The following COQ8B variants were observed in gnomAD, a reference collection of about 807,000 sequenced individuals.
The protein encoded by COQ8B is atypical kinase COQ8B, mitochondrial.
COQ8B carries 44 observed loss-of-function variants against 62.0 expected under a neutral mutation model. The ratio of observed to expected loss-of-function variants is 0.71; its 90% CI spans 0.56 to 0.91. The LOEUF is 0.91. Among genes scored for constraint, COQ8B ranks in the 40% least tolerant of loss-of-function variants. The probability of loss-of-function intolerance (pLI) is 0.00; values close to 1 mark genes in which losing one functional copy is unlikely to be tolerated. For synonymous variants in COQ8B, 252 were observed against 289.9 expected (o/e 0.87, Z 1.33); for missense variants, 649 against 731.6 (o/e 0.89, Z 1.30).
chr19:40,696,210 G>A (rs568781266), intron 12 of COQ8B, among the ~76,000 whole-genome samples, 156 bp from the exon 13 acceptor site: 33 of 151,922 alleles, frequency 2.2e-4, no homozygotes, highest in African/African-American at 8.0e-4. Context: ...CTCATCTCCC[G>A]TTTCCAACCG....
intron 4 of COQ8B, 36 bp downstream of exon 4, chr19:40,714,031 T>G (rs1183346887): frequency 6.2e-7 from 1 of 1,609,500 alleles, no homozygotes; most frequent in Non-Finnish European, 8.5e-7. Flanking sequence ...CCTTTCTAAT[T>G]GAGGTCACAC....
Position 40,692,118 on chromosome 19 carries a change from G to C in COQ8B, c.1552C>G (p.Arg518Gly). The C allele has an allele frequency of 1.2e-6, 2 of 1,607,114 alleles. No homozygotes were observed. The highest frequency in any genetic ancestry group is 1.1e-5 in the South Asian group (1 of 89,814). The part of the protein sequence containing the change: ...CRDLFQDTYH[R>G]YWASRQPDAA... ...TCTGGCTGGCGACTGGCCCAGTAGCGGTGGTAGGTGTCCTGGAAGAGGTCC... is the reference window on the plus strand; with the variant it reads ...TCTGGCTGGCGACTGGCCCAGTAGCCGTGGTAGGTGTCCTGGAAGAGGTCC... Residue 518 changes from arginine (R) to glycine (G), a missense_variant, in exon 15 of 15, where the codon CGC becomes GGC. Arg to Gly is a moderately radical substitution (Grantham distance 125). Coordinates refer to ENST00000324464, the MANE Select transcript of COQ8B (RefSeq NM_024876.4).
intron 10 of COQ8B, 105 bp from the exon 11 acceptor site, chr19:40,700,556 G>T: frequency 7.3e-7 from 1 of 1,373,100 alleles, no homozygotes. Context: ...AACAGTCTGC[G>T]CCATGCCCTC....
At chr19:40,711,131 CAAAA>C (rs10586544) in intron 4 of COQ8B, among the ~76,000 whole-genome samples, 15 of 134,362 alleles carry the variant, frequency 1.1e-4, no homozygotes, top group Admixed American at 1.5e-4. Flanking sequence ...AACTCCGTCT[CAAAA>C]AAAAAAAAAA....
chr19:40,692,254 C>A lies in COQ8B; in HGVS notation c.1416G>T (p.Val472=), dbSNP rs769377621. 6.2e-7 allele frequency: 1 copy of A among 1,613,080 alleles called. No individual in the cohort carries two copies. The change falls in exon 15 of 15, where the codon GTG becomes GTT. Residue 472 remains valine (V), a synonymous_variant. Transcript: ENST00000324464. ...TARRIQDLIP[V]LLRHRLCPPP... ...GGGGACACAGCCGGTGCCGCAGCAG[C>A]ACCGGGATGAGGTCCTGTATGCGGC...
At position 40,696,052 on chromosome 19, in the gene COQ8B, C is replaced by T. The variant is rs752353148; in HGVS notation, c.1146G>A (p.Val382=). 1 of 1,613,870 alleles carries T rather than the reference C, an allele frequency of 6.2e-7. No individual in the cohort carries two copies. Among genetic ancestry groups the T allele is most frequent in the Non-Finnish European group, 8.5e-7 (1 of 1,179,982 alleles). Residue 382 remains valine, a splice_region_variant and synonymous_variant, in exon 13 of 15, where the codon GTG becomes GTA. Transcript: ENST00000324464. ...NFLYDASSHQ[V]TLLDFGASRE... ...GGCTTGCACCAAAGTCCAGCAGGGT[C>T]ACCTGGAAGCAAGGAATGGTGAAAG...
rs372011504 is a variant in COQ8B at position 40,692,959 on chromosome 19, C to T, written c.1288G>A (p.Glu430Lys). The T allele has an allele frequency of 6.2e-7, 1 of 1,613,756 alleles. No individual in the cohort carries two copies. Among genetic ancestry groups the T allele is most frequent in the African/African-American group, 1.3e-5 (1 of 74,898 alleles). ...SRDLKFLTGF[E>K]TKAFSDAHVE... ...CCCCAGTGTCTCCCCACCTTGGTTT[C>T]AAAGCCTGTGAGGAATTTGAGGTCC... The change falls in exon 14 of 15, where the codon GAA becomes AAA. Residue 430 changes from glutamate to lysine, a missense_variant. Glu to Lys is a moderately conservative substitution (Grantham distance 56). Coordinates refer to ENST00000324464, the MANE Select transcript of COQ8B (RefSeq NM_024876.4).
intron 7 of COQ8B, chr19:40,704,148 CTT>C (rs1188224323): frequency 0.016 from 2,618 of 162,472 alleles, no homozygotes; most frequent in South Asian, 0.05. Flanking sequence ...CATAACAATC[CTT>C]TTTTTTTTTT....
In COQ8B at chr19:40,710,107, G is replaced by T; in HGVS notation, c.319C>A (p.Leu107Met). The part of the protein sequence containing the change: ...GLAVGLGLGV[L>M]AEMAKKSMPG... ...ATGGACTTCTTAGCCATCTCGGCCA[G>T]TACTCCTAGCCCCAAGCCCACAGCC... Residue 107 changes from leucine (L) to methionine (M), a missense_variant, in exon 5 of 15, where the codon CTG becomes ATG. Leu to Met is a conservative substitution (Grantham distance 15, BLOSUM62 2). Coordinates refer to ENST00000324464, the MANE Select transcript of COQ8B (RefSeq NM_024876.4). The T allele has an allele frequency of 1.2e-6, 2 of 1,614,022 alleles. No individual in the cohort carries two copies. Among genetic ancestry groups the T allele is most frequent in the Non-Finnish European group, 1.7e-6 (2 of 1,179,926 alleles).
At chr19:40,709,976 CTG>C (rs1169863135) in intron 5 of COQ8B, 81 bp downstream of exon 5, 10 of 1,411,036 alleles carry the variant, frequency 7.1e-6, no homozygotes. Context: ...CATGAGGAAA[CTG>C]GAGCTCAGAG....
In COQ8B at chr19:40,705,131, G is replaced by C; in HGVS notation, c.541C>G (p.Gln181Glu). ...QLQHIFERVR[Q>E]SADFMPRWQM... ...CAGCGGGGCATGAAGTCGGCGCTCT[G>C]GCGGACCCGCTCAAAGATGTGCTGC... Residue 181 changes from glutamine to glutamate, a missense_variant, in exon 7 of 15, where the codon CAG becomes GAG. By Grantham distance (29) the Gln-to-Glu change is conservative. Transcript: ENST00000324464. The C allele has an allele frequency of 6.2e-7, 1 of 1,612,704 alleles. No individual in the cohort carries two copies. Among genetic ancestry groups the C allele is most frequent in the Non-Finnish European group, 8.5e-7 (1 of 1,179,440 alleles).
intron 9 of COQ8B, 74 bp downstream of exon 9, chr19:40,703,467 G>C (rs1441696337): frequency 6.9e-7 from 1 of 1,447,892 alleles, no homozygotes; most frequent in Non-Finnish European, 9.2e-7. Flanking sequence ...TCTCCTCTGG[G>C]CTCCCCCTCC....
At position 40,692,386 on chromosome 19, in the gene COQ8B, G is replaced by T. The variant is rs774086810; in HGVS notation, c.1297-13C>A. The T allele has an allele frequency of 1.2e-6, 2 of 1,610,970 alleles. No homozygotes were observed. ...CGTCGGAGAATGCCTGGGAGTGGGGGTGGGGGGAGAGCAAAGGCAGCCAGT... is the reference window on the plus strand; with the variant it reads ...CGTCGGAGAATGCCTGGGAGTGGGGTTGGGGGGAGAGCAAAGGCAGCCAGT... On this transcript the variant is annotated splice_polypyrimidine_tract_variant and intron_variant, in intron 14 of 14. Coordinates refer to ENST00000324464, the MANE Select transcript of COQ8B (RefSeq NM_024876.4).
At position 40,700,294 on chromosome 19, in the gene COQ8B, C is replaced by T. The variant is rs1261537303; in HGVS notation, c.1035+16G>A. ...CTGGGGCCATGCCCTTCCCACTGTG[C>T]CACCAGACAGCATACCTGGTTCCGC... On this transcript the variant is annotated intron_variant, in intron 11 of 14. Transcript: ENST00000324464. The T allele has an allele frequency of 6.2e-6, 10 of 1,611,770 alleles. No homozygotes were observed. The highest frequency in any genetic ancestry group is 7.6e-6 in the Non-Finnish European group (9 of 1,178,426).
chr19:40,709,747 CAGG>C (rs2082126492), intron 5 of COQ8B, among the ~76,000 whole-genome samples: 1 of 152,166 alleles, frequency 6.6e-6, no homozygotes, highest in East Asian at 1.9e-4. Context: ...GAGGCTGAGG[CAGG>C]AGAATTGCTT....
Position 40,702,185 on chromosome 19 carries a change from C to CTGTTCTCAAAA in COQ8B, c.893+404_893+414dup, listed in dbSNP as rs555849753. 2.0e-4 allele frequency among the ~76,000 whole-genome samples: 31 copies of CTGTTCTCAAAA among 152,258 alleles called. No individual in the cohort carries two copies. The East Asian group carries it at 5.4e-3, about 27-fold the overall frequency. On this transcript the variant is annotated intron_variant, in intron 10 of 14. Transcript: ENST00000324464. ...TAAGGGCTTATGTGATGATGCCAACCTGTTCTCAAAATGCTTCTACCACCT... is the reference window on the plus strand; with the variant it reads ...TAAGGGCTTATGTGATGATGCCAACCTGTTCTCAAAATGTTCTCAAAATGCTTCTACCACCT...
chr19:40,699,961 G>T, intron 12 of COQ8B, 106 bp downstream of exon 12: 2 of 1,065,368 alleles, frequency 1.9e-6, no homozygotes, highest in Non-Finnish European at 1.4e-6. Flanking sequence ...GGCCACCCCT[G>T]CCTATTGTGG....
chr19:40,714,755 A>G (rs1243767251), intron 1 of COQ8B, 120 bp from the exon 2 acceptor site: 6 of 1,290,552 alleles, frequency 4.6e-6, no homozygotes, highest in Admixed American at 3.2e-5. Flanking sequence ...CTCCACTATT[A>G]ATAGATTCCC....
At chr19:40,713,341 G>A (rs2082156882) in intron 4 of COQ8B, among the ~76,000 whole-genome samples, 1 of 152,164 alleles carries the variant, frequency 6.6e-6, no homozygotes, top group Admixed American at 6.5e-5. Context: ...TGGTGCCAAA[G>A]CTCTACCACT....
Sources: gnomAD v4.1 joint callset for allele counts (sites outside exome capture counted in the v4.1 genomes callset) on GRCh38, gnomAD v4.1.1 for gene constraint, MANE v1.5 for transcripts, NCBI Gene and HGNC (gene_info 2026-07-23, HGNC 2026-07-21) for gene names.